SLC35F4: variants seen among roughly 807,000 people sequenced by gnomAD.
The protein encoded by SLC35F4 is chromosome 14 open reading frame 36.
SLC35F4 carries 24 observed loss-of-function variants against 44.2 expected under a neutral mutation model. That is an observed-to-expected ratio of 0.54 (90% confidence interval 0.39 to 0.76). The LOEUF (loss-of-function observed/expected upper bound fraction) is 0.76. Among genes scored for constraint, SLC35F4 ranks in the 30% least tolerant of loss-of-function variants. The pLI is 0.00. For synonymous variants in SLC35F4, 238 were observed against 223.6 expected, an observed-to-expected ratio of 1.06 and a Z score of -0.57; for missense variants, 562 against 586.1, an observed-to-expected ratio of 0.96 and a Z score of 0.42.
At chr14:57,652,458 T>C (rs889449225) in intron 1 of SLC35F4, among the ~76,000 whole-genome samples, 4 of 152,134 alleles carry the variant, frequency 2.6e-5, no homozygotes, top group Non-Finnish European at 5.9e-5. Context: ...TCTTCTCTCA[T>C]TCAGATCAGT....
In SLC35F4 at chr14:57,841,609, C is replaced by T. The variant is rs375174654; in HGVS notation, c.103+24114G>A. ...TCTGGTATCCACTGGCCTACTGATC[C>T]TCAGTTTCACCCAATTCCAGTGCCC... On this transcript the variant is annotated intron_variant, in intron 1 of 7. Coordinates refer to ENST00000556826, the MANE Select transcript of SLC35F4 (RefSeq NM_001306087.2). Among the ~76,000 whole-genome samples, 31 of 152,248 alleles carry T rather than the reference C, an allele frequency of 2.0e-4. 1 individual carries two copies. In the South Asian group the frequency reaches 6.4e-3, roughly 32 times the overall value.
At chr14:57,707,249 G>A (rs716773) in intron 1 of SLC35F4, among the ~76,000 whole-genome samples, 58,268 of 152,014 alleles carry the variant, frequency 0.38, 11,247 homozygotes, top group Middle Eastern at 0.42. Flanking sequence ...GCATGATAAT[G>A]TGGTCTGGCT....
intron 1 of SLC35F4, among the ~76,000 whole-genome samples, chr14:57,943,494 T>G (rs774080895): frequency 2.6e-5 from 4 of 152,222 alleles, no homozygotes; most frequent in Non-Finnish European, 5.9e-5. Context: ...GTTCATATAT[T>G]TCCTTTCTCT....
chr14:57,777,375 C>T (rs931612310), intron 1 of SLC35F4, among the ~76,000 whole-genome samples: 1 of 152,202 alleles, frequency 6.6e-6, no homozygotes, highest in Non-Finnish European at 1.5e-5. Context: ...TTGGAACCAA[C>T]CCAAATGTCC....
intron 1 of SLC35F4, among the ~76,000 whole-genome samples, chr14:57,939,400 C>T (rs527320533): frequency 6.6e-6 from 1 of 152,118 alleles, no homozygotes; most frequent in African/African-American, 2.4e-5. Context: ...AAGAGAAGAG[C>T]CACCAACTGT....
At chr14:57,936,764 A>G (rs1309474992) in intron 1 of SLC35F4, among the ~76,000 whole-genome samples, 3 of 152,136 alleles carry the variant, frequency 2.0e-5, no homozygotes, top group Non-Finnish European at 4.4e-5. Flanking sequence ...TGACTAGGGG[A>G]GGAGTTGTAG....
intron 1 of SLC35F4, among the ~76,000 whole-genome samples, chr14:57,698,038 T>G (rs1195323786): frequency 2.0e-5 from 3 of 152,202 alleles, no homozygotes; most frequent in Non-Finnish European, 4.4e-5. Context: ...TGTGCTTCAG[T>G]TCTTCACATG....
downstream of SLC35F4, among the ~76,000 whole-genome samples, chr14:57,974,454 G>T (rs909353772): frequency 1.3e-5 from 2 of 152,184 alleles, no homozygotes; most frequent in African/African-American, 4.8e-5. Flanking sequence ...TCTCTCAATA[G>T]GAAGAACATC....
intron 4 of SLC35F4, among the ~76,000 whole-genome samples, chr14:57,575,798 G>A (rs2068753342): frequency 6.6e-6 from 1 of 152,154 alleles, no homozygotes; most frequent in East Asian, 1.9e-4. Flanking sequence ...GAAGGGATCC[G>A]TGTGGCCATT....
At chr14:57,730,235 T>C (rs1228884585) in intron 1 of SLC35F4, among the ~76,000 whole-genome samples, 1 of 152,188 alleles carries the variant, frequency 6.6e-6, no homozygotes, top group African/African-American at 2.4e-5. Flanking sequence ...TGCAGATAGT[T>C]GTTAAAATTT....
At chr14:57,642,944 T>G (rs2073316920) in intron 1 of SLC35F4, among the ~76,000 whole-genome samples, 1 of 152,006 alleles carries the variant, frequency 6.6e-6, no homozygotes. Context: ...TCTCTTCCTC[T>G]TCTTGTTATA....
chr14:57,593,834 A>G (rs1698534140), intron 2 of SLC35F4, 105 bp downstream of exon 2: 9 of 1,258,526 alleles, frequency 7.2e-6, no homozygotes, highest in Non-Finnish European at 8.9e-6. Context: ...ACATGTACTC[A>G]TAAGAGTCCG....
At chr14:57,658,975 G>A (rs1295973116) in intron 1 of SLC35F4, among the ~76,000 whole-genome samples, 2 of 152,170 alleles carry the variant, frequency 1.3e-5, no homozygotes, top group East Asian at 3.8e-4. Flanking sequence ...GAGATAAAGA[G>A]AGGGTCCCAC....
intron 1 of SLC35F4, among the ~76,000 whole-genome samples, chr14:57,951,691 C>T (rs1367133241): frequency 1.3e-5 from 2 of 152,208 alleles, no homozygotes; most frequent in Admixed American, 6.5e-5. Context: ...GGGCAGAGCC[C>T]ACCACAGCTC....
intron 1 of SLC35F4, among the ~76,000 whole-genome samples, chr14:57,802,021 A>C (rs968218624): frequency 2.2e-4 from 33 of 152,178 alleles, no homozygotes; most frequent in African/African-American, 7.7e-4. Flanking sequence ...AAACAACAGA[A>C]TATACATTCT....
chr14:57,647,583 G>A (rs1283553481), intron 1 of SLC35F4, among the ~76,000 whole-genome samples: 1 of 152,046 alleles, frequency 6.6e-6, no homozygotes, highest in Non-Finnish European at 1.5e-5. Flanking sequence ...CTCTTTATAA[G>A]GACTATCTGA....
intron 1 of SLC35F4, among the ~76,000 whole-genome samples, chr14:57,835,162 C>A (rs1884789374): frequency 6.6e-6 from 1 of 152,186 alleles, no homozygotes; most frequent in African/African-American, 2.4e-5. Flanking sequence ...CATGGGGCAA[C>A]CCGTGCTTGA....
intron 1 of SLC35F4, among the ~76,000 whole-genome samples, chr14:57,681,423 A>T (rs931930588): frequency 6.6e-6 from 1 of 152,144 alleles, no homozygotes; most frequent in Non-Finnish European, 1.5e-5. Flanking sequence ...AAAACCCTAG[A>T]AGAAAACCTA....
intron 1 of SLC35F4, among the ~76,000 whole-genome samples, chr14:57,847,544 A>G (rs1886144214): frequency 6.6e-6 from 1 of 152,220 alleles, no homozygotes; most frequent in African/African-American, 2.4e-5. Context: ...AAACAAAGGT[A>G]AAATGGGCCA....
Sources: allele counts gnomAD v4.1 joint callset (sites outside exome capture counted in the v4.1 genomes callset), GRCh38; gene constraint gnomAD v4.1.1; transcripts MANE v1.5; gene names NCBI Gene and HGNC (gene_info 2026-07-23, HGNC 2026-07-21).